The following FGF12 variants were observed in gnomAD, a reference collection of about 807,000 sequenced individuals.
The protein encoded by FGF12 is fibroblast growth factor 12B.
A neutral mutation model predicts 23.6 loss-of-function variants in FGF12; 14 were observed. The observed-to-expected ratio is 0.59, with a 90% confidence interval of 0.39 to 0.93. FGF12 has a LOEUF of 0.93. Among genes scored for constraint, FGF12 ranks in the 40% least tolerant of loss-of-function variants. The pLI is 0.00. For synonymous variants in FGF12, 62 were observed against 77.3 expected (o/e 0.80, Z 1.04); for missense variants, 175 against 217.8 (o/e 0.80, Z 1.24).
chr3:192,623,204 A>T (rs1443748288), intron 2 of FGF12, among the ~76,000 whole-genome samples: 1 of 152,230 alleles, frequency 6.6e-6, no homozygotes, highest in South Asian at 2.1e-4. Flanking sequence ...AACTAATAAC[A>T]AGGCAAAAGT....
At chr3:192,264,862 C>T (rs1022227818) in intron 4 of FGF12, among the ~76,000 whole-genome samples, 4 of 152,038 alleles carry the variant, frequency 2.6e-5, no homozygotes, top group African/African-American at 7.2e-5. Flanking sequence ...TGGGATCCAC[C>T]GTCTGATGCC....
intron 4 of FGF12, among the ~76,000 whole-genome samples, chr3:192,278,464 A>T (rs1373310550): frequency 6.6e-6 from 1 of 152,162 alleles, no homozygotes; most frequent in Admixed American, 6.5e-5. Context: ...CCACCTAGGA[A>T]CGTAGAAAGC....
intron 2 of FGF12, among the ~76,000 whole-genome samples, chr3:192,616,435 C>T (rs556226024): frequency 1.3e-5 from 2 of 152,098 alleles, no homozygotes; most frequent in African/African-American, 4.8e-5. Flanking sequence ...ACATTTCTTA[C>T]ATCAGATTTA....
In FGF12 at chr3:192,336,582, T is replaced by G. The variant is rs1341366601; in HGVS notation, c.125-1118A>C. On this transcript the variant is annotated intron_variant, in intron 3 of 5. Coordinates refer to ENST00000445105, the MANE Select transcript of FGF12 (RefSeq NM_004113.6). The surrounding 1 kb of genome is among the most constrained non-coding windows in gnomAD (Gnocchi z 4.3). ...ATGAATTAAGTATCTCACGGCTGTA[T>G]GCATAAGAGAATATCTCTGCAGTTC... 1.3e-5 allele frequency among the ~76,000 whole-genome samples: 2 copies of G among 152,180 alleles called. No homozygotes were observed. Among genetic ancestry groups the G allele is most frequent in the African/African-American group, 4.8e-5 (2 of 41,452 alleles).
rs555759767 is a variant in FGF12 at position 192,360,444 on chromosome 3, G to C, written c.108C>G (p.Asp36Glu). ...GTTTCTTACTGTAGTCGCTGTTTTC[G>C]TCCTTGGTCCCATCAATGGTACCAT... ...HPDGTIDGTK[D>E]ENSDYTLFNL... Residue 36 changes from aspartate to glutamate, a missense_variant, in exon 3 of 6, where the codon GAC becomes GAG. Transcript: ENST00000445105. The surrounding 1 kb of genome is among the most constrained non-coding windows in gnomAD (Gnocchi z 4.3). 4.3e-6 allele frequency: 7 copies of C among 1,611,022 alleles called. No homozygotes were observed. The highest frequency in any genetic ancestry group is 5.9e-6 in the Non-Finnish European group (7 of 1,177,216).
intron 2 of FGF12, among the ~76,000 whole-genome samples, chr3:192,575,454 C>T (rs1712831197): frequency 6.6e-6 from 1 of 152,064 alleles, no homozygotes. Context: ...TCGCTAATAG[C>T]CACAGTGCAG....
Position 192,711,488 on chromosome 3 carries a change from G to A in FGF12, c.13+15693C>T, listed in dbSNP as rs1027172613. 3.3e-5 allele frequency among the ~76,000 whole-genome samples: 5 copies of A among 152,290 alleles called. No individual in the cohort carries two copies. In the East Asian group the frequency reaches 7.7e-4, roughly 24 times the overall value. ...GAGAACGGGCCATGATGAAGATGGC[G>A]GTTTTGTCGAATAGAAAAGGGGGAA... is the stretch of plus-strand genomic sequence containing the variant. On this transcript the variant is annotated intron_variant, in intron 2 of 5. Coordinates refer to ENST00000445105, the MANE Select transcript of FGF12 (RefSeq NM_004113.6).
Position 192,722,300 on chromosome 3 carries a change from ATTG to A in FGF12, c.13+4878_13+4880del, listed in dbSNP as rs146086134. ...CACTATACTGGCTCAGTCTTTTATT[ATTG>A]TTGTTGTTATTGTTTAACCACAAAA... On this transcript the variant is annotated intron_variant, in intron 2 of 5. Coordinates refer to ENST00000445105, the MANE Select transcript of FGF12 (RefSeq NM_004113.6). Among the ~76,000 whole-genome samples, 1,206 of 152,264 alleles carry A rather than the reference ATTG, an allele frequency of 7.9e-3. 15 individuals carry two copies. Among genetic ancestry groups the A allele is most frequent in the African/African-American group, 0.026 (1,085 of 41,550 alleles).
At chr3:192,304,745 A>C (rs1248617213) in intron 4 of FGF12, among the ~76,000 whole-genome samples, 1 of 152,186 alleles carries the variant, frequency 6.6e-6, no homozygotes, top group Non-Finnish European at 1.5e-5. Context: ...CAAGAACTAC[A>C]GTTTTAAGCT....
chr3:192,649,861 A>T (rs1716151438), intron 2 of FGF12, among the ~76,000 whole-genome samples: 1 of 152,018 alleles, frequency 6.6e-6, no homozygotes, highest in Admixed American at 6.6e-5. Context: ...GCCTTTTAAC[A>T]TTTTAACTTA....
chr3:192,658,662 T>C (rs1716537246), intron 2 of FGF12, among the ~76,000 whole-genome samples: 1 of 151,346 alleles, frequency 6.6e-6, no homozygotes, highest in Admixed American at 6.6e-5. Context: ...TTTGCATAAC[T>C]TAGGTTTTCA....
At position 192,610,141 on chromosome 3, in the gene FGF12, C is replaced by A. The variant is rs75285354; in HGVS notation, c.13+117040G>T. Among the ~76,000 whole-genome samples, 430 of 152,178 alleles carry A rather than the reference C, an allele frequency of 2.8e-3. 3 individuals carry two copies. Among genetic ancestry groups the A allele is most frequent in the African/African-American group, 9.9e-3 (413 of 41,538 alleles). ...TTCAATTTCCAGAGTTACTAAGGAT[C>A]ACAGAATCACAGAATCTCAGAATTA... is the stretch of plus-strand genomic sequence containing the variant. On this transcript the variant is annotated intron_variant, in intron 2 of 5. Transcript: ENST00000445105.
At chr3:192,519,418 T>C (rs1251233579) in intron 2 of FGF12, among the ~76,000 whole-genome samples, 1 of 152,232 alleles carries the variant, frequency 6.6e-6, no homozygotes, top group Non-Finnish European at 1.5e-5. Flanking sequence ...ATAGAAGTGA[T>C]GTTGTATCCT....
At chr3:192,547,097 C>T (rs1290777482) in intron 2 of FGF12, among the ~76,000 whole-genome samples, 1 of 152,086 alleles carries the variant, frequency 6.6e-6, no homozygotes, top group Non-Finnish European at 1.5e-5. Flanking sequence ...AGCTGAGCCT[C>T]CACAAATGTT....
intron 5 of FGF12, among the ~76,000 whole-genome samples, chr3:192,160,412 A>T (rs529189523): frequency 6.6e-6 from 1 of 152,286 alleles, no homozygotes; most frequent in South Asian, 2.1e-4. Flanking sequence ...AAGCCTTTGG[A>T]ATCTCTCAGC....
Position 192,529,348 on chromosome 3 carries a change from C to T in FGF12, c.14-168810G>A, listed in dbSNP as rs549850898. On this transcript the variant is annotated intron_variant, in intron 2 of 5. Transcript: ENST00000445105. The stretch of plus-strand genomic sequence containing the variant: ...CTTTGCTCCAGTTTCTCACAATTTC[C>T]TCATCTCCATCTGAGACCACCTCAG... 1.2e-4 allele frequency among the ~76,000 whole-genome samples: 18 copies of T among 152,292 alleles called. 1 individual carries two copies. The highest frequency in any genetic ancestry group is 6.8e-3 in the Middle Eastern group (2 of 294).
chr3:192,410,763 G>A (rs762404661), intron 2 of FGF12, among the ~76,000 whole-genome samples: 5 of 152,162 alleles, frequency 3.3e-5, no homozygotes, highest in Non-Finnish European at 7.3e-5. Context: ...CAGGTGCGGC[G>A]AGGGAGTGAT....
intron 2 of FGF12, among the ~76,000 whole-genome samples, chr3:192,522,921 T>C (rs145953762): frequency 2.4e-4 from 37 of 152,324 alleles, no homozygotes; most frequent in African/African-American, 8.4e-4. Flanking sequence ...CACAAGAAAT[T>C]GGCATCAGTT....
chr3:192,578,401 C>T (rs1027940799), intron 2 of FGF12, among the ~76,000 whole-genome samples: 1 of 152,116 alleles, frequency 6.6e-6, no homozygotes, highest in African/African-American at 2.4e-5. Context: ...GGATTTAAAC[C>T]CAAGTCTTGT....
Sources: allele counts gnomAD v4.1 joint callset (sites outside exome capture counted in the v4.1 genomes callset), GRCh38; gene constraint gnomAD v4.1.1; non-coding constraint Gnocchi (gnomAD v3.1); transcripts MANE v1.5; gene names NCBI Gene and HGNC (gene_info 2026-07-23, HGNC 2026-07-21).